Variants in GRIA2 observed in about 807,000 individuals in gnomAD.
GRIA2 encodes glutamate ionotropic receptor AMPA type subunit 2.
GRIA2 carries 14 observed loss-of-function variants against 97.3 expected under a neutral mutation model. That is an observed-to-expected ratio of 0.14 (90% confidence interval 0.10 to 0.23). The LOEUF (loss-of-function observed/expected upper bound fraction) is 0.23, where lower values mean the gene tolerates loss of function less well. Among genes scored for constraint, GRIA2 ranks in the 10% least tolerant of loss-of-function variants. The pLI is 1.00. For synonymous variants in GRIA2, 412 were observed against 387.8 expected (o/e 1.06, Z -0.73); for missense variants, 558 against 1,069.8 (o/e 0.52, Z 6.67).
chr4:157,353,379 C>G (rs1038417580), intron 12 of GRIA2, among the ~76,000 whole-genome samples: 1 of 141,556 alleles, frequency 7.1e-6, no homozygotes, highest in Non-Finnish European at 1.5e-5. Context: ...AAAACAAAAC[C>G]TTATAGTTGG....
intron 12 of GRIA2, among the ~76,000 whole-genome samples, chr4:157,343,384 C>T (rs188848937): frequency 9.2e-5 from 14 of 152,160 alleles, no homozygotes; most frequent in Admixed American, 5.9e-4. Context: ...ATTCATGCAA[C>T]TAATAAGTAT....
chr4:157,355,650 A>ATATATTTATTTATT (rs1263492564), intron 12 of GRIA2, among the ~76,000 whole-genome samples: 3 of 112,306 alleles, frequency 2.7e-5, no homozygotes, highest in African/African-American at 1.1e-4. Flanking sequence ...ATTTATTTAT[A>ATATATTTATTTATT]TATTTATTTA....
chr4:157,315,958 T>C (rs886764989), intron 4 of GRIA2, among the ~76,000 whole-genome samples: 2 of 152,216 alleles, frequency 1.3e-5, no homozygotes, highest in African/African-American at 4.8e-5. Context: ...GCAATAATAA[T>C]TGTTATTATA....
chr4:157,287,075 GTGT>G, intron 2 of GRIA2, among the ~76,000 whole-genome samples: 1 of 151,574 alleles, frequency 6.6e-6, no homozygotes, highest in Admixed American at 6.6e-5. Context: ...CTGTTGTCTG[GTGT>G]TGTCTATTTC....
chr4:157,226,063 C>A (rs2126679566), intron 2 of GRIA2, among the ~76,000 whole-genome samples: 1 of 151,792 alleles, frequency 6.6e-6, no homozygotes, highest in East Asian at 1.9e-4. Flanking sequence ...GAATTTACTC[C>A]CCAGAACCTT....
At position 157,226,318 on chromosome 4, in the gene GRIA2, T is replaced by C. The variant is rs187929939; in HGVS notation, c.229+4511T>C. Among the ~76,000 whole-genome samples the C allele has an allele frequency of 4.6e-5, 7 of 152,164 alleles. No individual in the cohort carries two copies. The East Asian group carries it at 1.3e-3, about 29-fold the overall frequency. ...GCCTTTTAAAACATTGTAAAGAAAT[T>C]TATTTAGATAAATTGAAAAAAATAA... On this transcript the variant is annotated intron_variant, in intron 2 of 15. Transcript: ENST00000264426.
chr4:157,332,543 A>G (rs530165389), intron 6 of GRIA2, among the ~76,000 whole-genome samples: 1 of 152,094 alleles, frequency 6.6e-6, no homozygotes, highest in Admixed American at 6.6e-5. Flanking sequence ...AAAAAAGAAA[A>G]ATAAACACTG....
chr4:157,322,461 G>A (rs917424607), intron 6 of GRIA2, among the ~76,000 whole-genome samples: 3 of 151,772 alleles, frequency 2.0e-5, no homozygotes, highest in African/African-American at 7.3e-5. Context: ...ACTGATCTTT[G>A]TTCTCCATGG....
chr4:157,272,723 C>T (rs1032579466), intron 2 of GRIA2, among the ~76,000 whole-genome samples: 3 of 152,068 alleles, frequency 2.0e-5, no homozygotes, highest in African/African-American at 7.2e-5. Flanking sequence ...AGAGAAACTA[C>T]TTCACCAAAG....
At chr4:157,278,169 T>C (rs1181288102) in intron 2 of GRIA2, among the ~76,000 whole-genome samples, 1 of 151,596 alleles carries the variant, frequency 6.6e-6, no homozygotes, top group Non-Finnish European at 1.5e-5. Flanking sequence ...CAACACAATA[T>C]TAAAGAAGAT....
intron 2 of GRIA2, among the ~76,000 whole-genome samples, chr4:157,240,702 C>CT (rs113008910): frequency 0.063 from 9,204 of 146,748 alleles, 308 homozygotes; most frequent in Middle Eastern, 0.17. Flanking sequence ...AAGTTACTTT[C>CT]TTTTTTTTTT....
At chr4:157,320,158 G>T (rs1734497229) in intron 5 of GRIA2, among the ~76,000 whole-genome samples, 1 of 152,038 alleles carries the variant, frequency 6.6e-6, no homozygotes, top group Non-Finnish European at 1.5e-5. Flanking sequence ...GAAAAAATGG[G>T]ACATGATTAT....
chr4:157,357,796 G>C (rs182971853), intron 12 of GRIA2, among the ~76,000 whole-genome samples: 1 of 152,044 alleles, frequency 6.6e-6, no homozygotes, highest in Admixed American at 6.6e-5. Flanking sequence ...TTTTTTTCTA[G>C]ATTGTATTTT....
chr4:157,363,148 T>C, intron 15 of GRIA2, 101 bp downstream of exon 15: 1 of 1,193,156 alleles, frequency 8.4e-7, no homozygotes. Flanking sequence ...TGGATCATCC[T>C]GTATGTATTG....
rs368792556 is a variant in GRIA2, at chr4:157,361,675, T to C, written c.2406+551T>C. ...AAGGTCAGTTGCTGCAGGTTTTATG[T>C]GAAAAAACAAAATCAAACACAAACA... On this transcript the variant is annotated intron_variant, in intron 14 of 15. Coordinates refer to ENST00000264426, the MANE Select transcript of GRIA2 (RefSeq NM_001083619.3). The surrounding 1 kb of genome is among the most constrained non-coding windows in gnomAD (Gnocchi z 5.2). The C allele has an allele frequency of 3.9e-6, 6 of 1,534,938 alleles. No individual in the cohort carries two copies. Among genetic ancestry groups the C allele is most frequent in the Non-Finnish European group, 5.4e-6 (6 of 1,109,542 alleles).
At chr4:157,282,696 A>G (rs1441800166) in intron 2 of GRIA2, among the ~76,000 whole-genome samples, 6 of 152,096 alleles carry the variant, frequency 3.9e-5, no homozygotes, top group Admixed American at 1.3e-4. Flanking sequence ...TGCTTCAGCC[A>G]GAAAATATAT....
Position 157,361,202 on chromosome 4 carries a change from C to G in GRIA2, c.2406+78C>G. 9.1e-7 allele frequency: 1 copy of G among 1,103,946 alleles called. No individual in the cohort carries two copies. The highest frequency in any genetic ancestry group is 1.4e-6 in the Non-Finnish European group (1 of 738,360). 68.4% of individuals were successfully genotyped at this position (1,103,946 alleles called of 1,614,324 possible). On this transcript the variant is annotated intron_variant, in intron 14 of 15. Transcript: ENST00000264426. This position sits in a 1 kb window ranked among gnomAD's most constrained non-coding sequence, Gnocchi z 5.2. ...AGCAGCTATGCACAGTGTGGGCACT[C>G]CGTGCCACCAAGTTTCCAACGCTAA... is the stretch of plus-strand genomic sequence containing the variant.
chr4:157,234,882 G>T (rs1429628422), intron 2 of GRIA2, among the ~76,000 whole-genome samples: 1 of 152,062 alleles, frequency 6.6e-6, no homozygotes, highest in Non-Finnish European at 1.5e-5. Flanking sequence ...AGTTGTGCGG[G>T]GTGGTTGGGG....
At chr4:157,305,119 A>G (rs1670920099) in intron 3 of GRIA2, among the ~76,000 whole-genome samples, 2 of 152,178 alleles carry the variant, frequency 1.3e-5, no homozygotes, top group African/African-American at 4.8e-5. Flanking sequence ...AATGTGATAA[A>G]AGGGCTTATA....
Sources: gnomAD v4.1 joint callset for allele counts (sites outside exome capture counted in the v4.1 genomes callset) on GRCh38, gnomAD v4.1.1 for gene constraint, Gnocchi (gnomAD v3.1) non-coding constraint, MANE v1.5 for transcripts, NCBI Gene and HGNC (gene_info 2026-07-23, HGNC 2026-07-21) for gene names.